Variants in ADAM23 observed in about 807,000 individuals in gnomAD.
ADAM23 encodes disintegrin and metalloproteinase domain-containing protein 23.
ADAM23 carries 33 observed loss-of-function variants against 120.1 expected under a neutral mutation model. That is an observed-to-expected ratio of 0.27 (90% confidence interval 0.21 to 0.37). The LOEUF (loss-of-function observed/expected upper bound fraction) is 0.37. ADAM23 is among the 10% of genes least tolerant of loss of function. ADAM23 has a pLI of 1.00. For synonymous variants in ADAM23, 367 were observed against 375.2 expected (o/e 0.98, Z 0.25); for missense variants, 862 against 1,058.2 (o/e 0.81, Z 2.57).
intron 2 of ADAM23, among the ~76,000 whole-genome samples, chr2:206,462,423 T>C (rs1209275543): frequency 6.6e-6 from 1 of 152,232 alleles, no homozygotes; most frequent in Non-Finnish European, 1.5e-5. Flanking sequence ...CTAAGTACTA[T>C]CTTTTGTCTG....
intron 2 of ADAM23, among the ~76,000 whole-genome samples, chr2:206,458,486 A>C (rs1028035231): frequency 1.3e-5 from 2 of 152,214 alleles, no homozygotes; most frequent in Non-Finnish European, 2.9e-5. Flanking sequence ...GAGAGACTAC[A>C]TTGGGATGCA....
At chr2:206,570,928 C>G in intron 16 of ADAM23, 117 bp downstream of exon 16, 1 of 831,082 alleles carries the variant, frequency 1.2e-6, no homozygotes, top group South Asian at 1.6e-5. Context: ...TTTCTCATCT[C>G]TCTGATTAGT....
intron 12 of ADAM23, 37 bp downstream of exon 12, chr2:206,561,249 G>A: frequency 2.5e-6 from 4 of 1,572,222 alleles, no homozygotes; most frequent in Non-Finnish European, 3.5e-6. Flanking sequence ...CTTTGCATCT[G>A]TTCTCTTTTT....
intron 3 of ADAM23, among the ~76,000 whole-genome samples, chr2:206,524,506 T>A (rs1053659827): frequency 6.6e-6 from 1 of 152,214 alleles, no homozygotes; most frequent in African/African-American, 2.4e-5. Flanking sequence ...ATTTTCACTC[T>A]GCTAATAAAG....
intron 3 of ADAM23, among the ~76,000 whole-genome samples, chr2:206,504,412 C>T (rs1174056144): frequency 6.6e-6 from 1 of 151,936 alleles, no homozygotes; most frequent in East Asian, 1.9e-4. Context: ...AAGAAATAAC[C>T]AAAATTAGTA....
intron 2 of ADAM23, among the ~76,000 whole-genome samples, chr2:206,449,683 T>C (rs1695151797): frequency 6.6e-6 from 1 of 152,188 alleles, no homozygotes; most frequent in Admixed American, 6.5e-5. Flanking sequence ...GGCATGAGAA[T>C]CGCTTGATCC....
intron 3 of ADAM23, among the ~76,000 whole-genome samples, chr2:206,519,006 A>G (rs2105788604): frequency 6.6e-6 from 1 of 152,270 alleles, no homozygotes; most frequent in East Asian, 1.9e-4. Flanking sequence ...TGACAATCAT[A>G]CTCATATTCA....
At chr2:206,561,748 A>G (rs1021736184) in intron 12 of ADAM23, among the ~76,000 whole-genome samples, 1 of 152,214 alleles carries the variant, frequency 6.6e-6, no homozygotes, top group Non-Finnish European at 1.5e-5. Flanking sequence ...AGCACCCAAA[A>G]AGCATAACCA....
intron 2 of ADAM23, among the ~76,000 whole-genome samples, chr2:206,447,691 A>T (rs1312112993): frequency 2.0e-5 from 3 of 152,232 alleles, no homozygotes; most frequent in Non-Finnish European, 4.4e-5. Context: ...ATGTTTCAGT[A>T]AGAAAGTATA....
rs201383476 is a variant in ADAM23 at position 206,580,022 on chromosome 2, G to A, written c.1737+6827G>A. Among the ~76,000 whole-genome samples, 93 of 151,698 alleles carry A rather than the reference G, an allele frequency of 6.1e-4. 1 individual carries two copies. The highest frequency in any genetic ancestry group is 2.7e-3 in the East Asian group (14 of 5,158). ...TCTTGATTTGATTCTCTGATTGATC[G>A]CTGTTGGTGTATAGAAGAGCTACTG... On this transcript the variant is annotated intron_variant, in intron 18 of 25. Transcript: ENST00000264377.
At chr2:206,568,885 T>G (rs1016887290) in intron 15 of ADAM23, among the ~76,000 whole-genome samples, 1 of 152,336 alleles carries the variant, frequency 6.6e-6, no homozygotes, top group African/African-American at 2.4e-5. Context: ...TAAGTGACAC[T>G]ACGTAGTCAG....
chr2:206,543,174 A>G (rs1697328478), intron 5 of ADAM23, 79 bp from the exon 6 acceptor site: 8 of 1,239,862 alleles, frequency 6.5e-6, no homozygotes, highest in South Asian at 1.2e-5. Flanking sequence ...TGAAGACACA[A>G]TAATGAAGCT....
intron 24 of ADAM23, among the ~76,000 whole-genome samples, chr2:206,600,368 T>G (rs1255972739): frequency 6.6e-6 from 1 of 152,210 alleles, no homozygotes; most frequent in Admixed American, 6.5e-5. Flanking sequence ...GAAGGTTTTC[T>G]GTATAGGTGC....
At chr2:206,573,074 T>C (rs747637670) in intron 17 of ADAM23, 41 bp from the exon 18 acceptor site, 16 of 1,590,484 alleles carry the variant, frequency 1.0e-5, no homozygotes, top group Non-Finnish European at 1.1e-5. Flanking sequence ...CTCTGAAATA[T>C]TATGTAATGC....
intron 3 of ADAM23, among the ~76,000 whole-genome samples, chr2:206,514,051 T>C (rs2105784843): frequency 6.6e-6 from 1 of 152,312 alleles, no homozygotes; most frequent in East Asian, 1.9e-4. Flanking sequence ...AGAGTGCTGA[T>C]GGAGATGTAC....
intron 6 of ADAM23, among the ~76,000 whole-genome samples, chr2:206,546,807 T>C (rs1697407906): frequency 6.6e-6 from 1 of 152,158 alleles, no homozygotes; most frequent in Admixed American, 6.5e-5. Context: ...ATGTGTACAT[T>C]AACAGTACCT....
At chr2:206,562,637 C>T (rs1015947595) in intron 13 of ADAM23, among the ~76,000 whole-genome samples, 1 of 152,174 alleles carries the variant, frequency 6.6e-6, no homozygotes, top group Non-Finnish European at 1.5e-5. Context: ...GCCTCCATCA[C>T]AAGCTTAGTG....
chr2:206,475,478 C>A (rs777253832), intron 2 of ADAM23, among the ~76,000 whole-genome samples: 15 of 151,916 alleles, frequency 9.9e-5, no homozygotes, highest in Non-Finnish European at 2.1e-4. Flanking sequence ...AAAGAAGTGA[C>A]TTCTTTTCCT....
At chr2:206,559,203 C>CA (rs1697709496) in intron 10 of ADAM23, among the ~76,000 whole-genome samples, 1 of 152,182 alleles carries the variant, frequency 6.6e-6, no homozygotes, top group African/African-American at 2.4e-5. Flanking sequence ...CTCGGCCTTC[C>CA]AAAGTGCTGG....
Sources: gnomAD v4.1 joint callset for allele counts (sites outside exome capture counted in the v4.1 genomes callset) on GRCh38, gnomAD v4.1.1 for gene constraint, MANE v1.5 for transcripts, NCBI Gene and HGNC (gene_info 2026-07-23, HGNC 2026-07-21) for gene names.